The following STXBP5L variants were observed in gnomAD, a reference collection of about 807,000 sequenced individuals.
STXBP5L encodes the protein syntaxin-binding protein 5-like.
A neutral mutation model predicts 144.5 loss-of-function variants in STXBP5L; 65 were observed. The ratio of observed to expected loss-of-function variants is 0.45; its 90% CI spans 0.37 to 0.55. The LOEUF (loss-of-function observed/expected upper bound fraction) is 0.55. STXBP5L is among the 20% of genes least tolerant of loss of function. The pLI is 0.00. For synonymous variants in STXBP5L, 505 were observed against 469.6 expected (o/e 1.08, Z -0.97); for missense variants, 1,298 against 1,405.5 (o/e 0.92, Z 1.22).
intron 20 of STXBP5L, among the ~76,000 whole-genome samples, chr3:121,364,537 G>A (rs994673616): frequency 6.7e-6 from 1 of 150,286 alleles, no homozygotes; most frequent in Non-Finnish European, 1.5e-5. Context: ...AGATCACTTT[G>A]GTTTATATTG....
intron 22 of STXBP5L, among the ~76,000 whole-genome samples, chr3:121,383,843 T>C (rs962356096): frequency 6.6e-6 from 1 of 152,122 alleles, no homozygotes; most frequent in Non-Finnish European, 1.5e-5. Context: ...CCCAAGCTTA[T>C]GGGAACTATT....
chr3:120,965,010 C>G (rs993287204), intron 3 of STXBP5L, among the ~76,000 whole-genome samples: 76 of 152,292 alleles, frequency 5.0e-4, no homozygotes, highest in African/African-American at 1.7e-3. Flanking sequence ...GAATTGATCC[C>G]TTTACCATTA....
intron 20 of STXBP5L, among the ~76,000 whole-genome samples, chr3:121,356,219 C>T (rs904236062): frequency 6.6e-6 from 1 of 152,252 alleles, no homozygotes; most frequent in Non-Finnish European, 1.5e-5. Context: ...ACACTGCTCT[C>T]TTCAGAGCTA....
intron 19 of STXBP5L, among the ~76,000 whole-genome samples, chr3:121,299,823 C>T (rs1464186854): frequency 6.6e-6 from 1 of 151,742 alleles, no homozygotes; most frequent in African/African-American, 2.4e-5. Context: ...CCTGTCTCTA[C>T]CAAAAACTAC....
intron 3 of STXBP5L, among the ~76,000 whole-genome samples, chr3:120,988,693 G>A (rs952906621): frequency 6.6e-6 from 1 of 151,908 alleles, no homozygotes; most frequent in African/African-American, 2.4e-5. Flanking sequence ...AGATGAAAGG[G>A]GTACAAGTGC....
At chr3:121,082,033 T>G (rs932788323) in intron 5 of STXBP5L, among the ~76,000 whole-genome samples, 1 of 152,234 alleles carries the variant, frequency 6.6e-6, no homozygotes, top group Non-Finnish European at 1.5e-5. Context: ...TACAGTAAGC[T>G]TTAAAATTGG....
chr3:121,328,455 A>T (rs1379764461), intron 20 of STXBP5L, among the ~76,000 whole-genome samples: 1 of 152,150 alleles, frequency 6.6e-6, no homozygotes, highest in Non-Finnish European at 1.5e-5. Context: ...GTTCTTAAAA[A>T]CTAGGCTTCA....
intron 5 of STXBP5L, among the ~76,000 whole-genome samples, chr3:121,056,821 T>G (rs1295302130): frequency 2.0e-5 from 3 of 151,874 alleles, no homozygotes; most frequent in Non-Finnish European, 4.4e-5. Flanking sequence ...TTTTCTTTCT[T>G]ATATGTACAT....
intron 9 of STXBP5L, among the ~76,000 whole-genome samples, chr3:121,163,153 A>C (rs2046380320): frequency 6.6e-6 from 1 of 152,226 alleles, no homozygotes; most frequent in Admixed American, 6.5e-5. Flanking sequence ...TCACAATAGC[A>C]AAGACTTGGA....
chr3:121,329,013 T>C (rs2044239590), intron 20 of STXBP5L, among the ~76,000 whole-genome samples: 1 of 151,928 alleles, frequency 6.6e-6, no homozygotes, highest in Non-Finnish European at 1.5e-5. Flanking sequence ...AAGTTATATA[T>C]ATACACACAT....
At chr3:121,094,711 C>A (rs9865199) in intron 5 of STXBP5L, among the ~76,000 whole-genome samples, 15,123 of 152,154 alleles carry the variant, frequency 0.099, 1,185 homozygotes, top group Admixed American at 0.2. Context: ...ACTGATGGGT[C>A]TTGACTCCTT....
At chr3:121,151,621 G>A (rs554599979) in intron 7 of STXBP5L, among the ~76,000 whole-genome samples, 34 of 152,200 alleles carry the variant, frequency 2.2e-4, no homozygotes, top group African/African-American at 7.9e-4. Flanking sequence ...ATTTTCATCA[G>A]AGGAATACTA....
intron 5 of STXBP5L, among the ~76,000 whole-genome samples, chr3:121,063,563 T>C (rs2041391816): frequency 6.6e-6 from 1 of 152,174 alleles, no homozygotes; most frequent in East Asian, 1.9e-4. Context: ...CAGCCAGGAA[T>C]GTTTAAGTCT....
intron 9 of STXBP5L, among the ~76,000 whole-genome samples, chr3:121,192,184 G>A (rs2047722402): frequency 1.3e-5 from 2 of 151,794 alleles, no homozygotes; most frequent in African/African-American, 2.4e-5. Context: ...ACCAATAACA[G>A]ACAGAGAGCC....
intron 3 of STXBP5L, among the ~76,000 whole-genome samples, chr3:120,978,066 T>G (rs1188776424): frequency 2.0e-5 from 3 of 152,210 alleles, no homozygotes; most frequent in Non-Finnish European, 2.9e-5. Context: ...GCATTCTCTG[T>G]ATTTCCTGAA....
intron 3 of STXBP5L, among the ~76,000 whole-genome samples, chr3:121,010,625 A>C (rs745485984): frequency 6.6e-6 from 1 of 151,836 alleles, no homozygotes; most frequent in Non-Finnish European, 1.5e-5. Context: ...TTTTGACTCT[A>C]CAAAAACTTT....
At chr3:121,132,141 C>T (rs2045020137) in intron 7 of STXBP5L, among the ~76,000 whole-genome samples, 1 of 152,224 alleles carries the variant, frequency 6.6e-6, no homozygotes, top group Non-Finnish European at 1.5e-5. Flanking sequence ...GCTGCCTAGA[C>T]AAGAATGGAG....
chr3:120,978,373 C>G (rs1351160604), intron 3 of STXBP5L, among the ~76,000 whole-genome samples: 1 of 152,224 alleles, frequency 6.6e-6, no homozygotes, highest in Non-Finnish European at 1.5e-5. Context: ...ACGTAGTTCT[C>G]AAGCCTTGGC....
rs1224483508 is a variant in STXBP5L at position 121,393,491 on chromosome 3, C to T, written c.2587+11959C>T. On this transcript the variant is annotated intron_variant, in intron 22 of 26. Transcript: ENST00000471454. Reference sequence around the variant, plus strand: ...GCATTTGCTTTTGAGGTCTTAGTCACGAATTCTTCACCTAAGCCAATGTCC... The same window carrying T: ...GCATTTGCTTTTGAGGTCTTAGTCATGAATTCTTCACCTAAGCCAATGTCC... 3.9e-5 allele frequency among the ~76,000 whole-genome samples: 6 copies of T among 152,270 alleles called. No individual in the cohort carries two copies. The South Asian group carries it at 6.2e-4, about 16-fold the overall frequency.
Sources: allele counts gnomAD v4.1 joint callset (sites outside exome capture counted in the v4.1 genomes callset), GRCh38; gene constraint gnomAD v4.1.1; transcripts MANE v1.5; gene names NCBI Gene and HGNC (gene_info 2026-07-23, HGNC 2026-07-21).